ELMO1: variants seen among roughly 807,000 people sequenced by gnomAD.
ELMO1 encodes the protein engulfment and cell motility 1.
In ELMO1, 26 loss-of-function variants were observed where a neutral mutation model predicts 98.9. The ratio of observed to expected loss-of-function variants is 0.26; its 90% CI spans 0.19 to 0.36. The LOEUF is 0.36. ELMO1 is among the 10% of genes least tolerant of loss of function. The probability of loss-of-function intolerance (pLI) is 1.00; values close to 1 mark genes in which losing one functional copy is unlikely to be tolerated. For missense variants in ELMO1, 627 were observed against 935.2 expected (o/e 0.67, Z 4.30); for synonymous variants, 346 against 346.0 (o/e 1.00, Z 0.00).
intron 16 of ELMO1, among the ~76,000 whole-genome samples, chr7:36,972,406 G>C (rs148857339): frequency 6.6e-6 from 1 of 152,202 alleles, no homozygotes; most frequent in East Asian, 1.9e-4. Context: ...CAGTTTGCTA[G>C]GACTGCCATG....
At chr7:37,111,021 G>A (rs141783283) in intron 14 of ELMO1, among the ~76,000 whole-genome samples, 6 of 152,114 alleles carry the variant, frequency 3.9e-5, no homozygotes, top group African/African-American at 1.2e-4. Context: ...CTCCTACCCC[G>A]TTTACCACCA....
chr7:37,249,210 T>TA (rs1389441684), intron 6 of ELMO1, among the ~76,000 whole-genome samples: 1 of 152,190 alleles, frequency 6.6e-6, no homozygotes, highest in Non-Finnish European at 1.5e-5. Context: ...AGAATTTGAA[T>TA]AACGAAAGGT....
At chr7:37,075,818 C>G (rs1453004516) in intron 15 of ELMO1, among the ~76,000 whole-genome samples, 2 of 152,128 alleles carry the variant, frequency 1.3e-5, no homozygotes, top group Non-Finnish European at 2.9e-5. Flanking sequence ...TTCCTTGTAT[C>G]ACTGTGTGCC....
At chr7:37,319,616 G>A (rs898518387) in intron 2 of ELMO1, among the ~76,000 whole-genome samples, 3 of 152,060 alleles carry the variant, frequency 2.0e-5, no homozygotes, top group Admixed American at 6.5e-5. Context: ...ACCCAAAATC[G>A]TACCTTCCAT....
chr7:37,225,534 T>A (rs1051841060), intron 8 of ELMO1, among the ~76,000 whole-genome samples: 1 of 152,222 alleles, frequency 6.6e-6, no homozygotes. Flanking sequence ...ACAATTCAAC[T>A]GGCAACTTCT....
chr7:37,094,230 C>G (rs1420618498), intron 15 of ELMO1, among the ~76,000 whole-genome samples: 1 of 152,158 alleles, frequency 6.6e-6, no homozygotes, highest in Non-Finnish European at 1.5e-5. Flanking sequence ...AGAAACCAGG[C>G]CTGAGTGAGT....
chr7:37,148,879 T>C (rs951386750), intron 13 of ELMO1, among the ~76,000 whole-genome samples: 1 of 152,246 alleles, frequency 6.6e-6, no homozygotes, highest in South Asian at 2.1e-4. Flanking sequence ...ACATGTCATG[T>C]ACAGTAGGCA....
intron 2 of ELMO1, among the ~76,000 whole-genome samples, chr7:37,317,098 C>CA (rs1473500581): frequency 2.0e-5 from 3 of 152,090 alleles, no homozygotes; most frequent in South Asian, 2.1e-4. Context: ...CAAAAGACTT[C>CA]AAAAAAGGAT....
rs542276981 is a variant in ELMO1 at position 36,873,466 on chromosome 7, G to A, written c.1823-2991C>T. 4.6e-5 allele frequency among the ~76,000 whole-genome samples: 7 copies of A among 152,294 alleles called. No homozygotes were observed. The East Asian group carries it at 1.3e-3, about 29-fold the overall frequency. ...CACCCTCCCACCACATTTACCCCCT[G>A]GGGCATGGCCTCATTTCTTTCAATG... On this transcript the variant is annotated intron_variant, in intron 19 of 21. Coordinates refer to ENST00000310758, the MANE Select transcript of ELMO1 (RefSeq NM_014800.11).
chr7:36,888,318 T>C (rs372083914), intron 17 of ELMO1, among the ~76,000 whole-genome samples: 2 of 152,204 alleles, frequency 1.3e-5, no homozygotes, highest in African/African-American at 2.4e-5. Flanking sequence ...TGCAAAGATA[T>C]CATGATAGAG....
rs146409696 is a variant in ELMO1 at position 36,854,952 on chromosome 7, G to A, written c.*599C>T. 11 of 159,756 alleles carry A rather than the reference G, an allele frequency of 6.9e-5. No homozygotes were observed. The highest frequency in any genetic ancestry group is 1.9e-4 in the East Asian group (1 of 5,358). 9.9% of individuals were successfully genotyped at this position (159,756 alleles called of 1,614,324 possible). Reference sequence around the variant, plus strand: ...GGAAATTTATGCTAGGGAGGATCACGAGGAGGCTGCGGCTGCTGCTCTTGG... The same window carrying A: ...GGAAATTTATGCTAGGGAGGATCACAAGGAGGCTGCGGCTGCTGCTCTTGG... On this transcript the variant is annotated 3_prime_UTR_variant, in exon 22 of 22. Transcript: ENST00000310758.
At chr7:37,216,793 G>C (rs1793309804) in intron 10 of ELMO1, 98 bp from the exon 11 acceptor site, 2 of 1,165,482 alleles carry the variant, frequency 1.7e-6, no homozygotes, top group Non-Finnish European at 2.6e-6. Context: ...CTTCGTAACT[G>C]TATATCAGCA....
intron 8 of ELMO1, among the ~76,000 whole-genome samples, chr7:37,226,588 A>C (rs1225706158): frequency 6.6e-6 from 1 of 152,128 alleles, no homozygotes; most frequent in East Asian, 1.9e-4. Context: ...TGGTATTAGG[A>C]AACTGAAGAA....
intron 16 of ELMO1, among the ~76,000 whole-genome samples, chr7:36,973,505 T>A (rs1188557954): frequency 6.6e-6 from 1 of 152,142 alleles, no homozygotes; most frequent in African/African-American, 2.4e-5. Flanking sequence ...TTCCAGTCCA[T>A]CATTAGGATG....
chr7:37,295,589 CTT>C (rs1447543736), intron 4 of ELMO1, among the ~76,000 whole-genome samples: 1 of 152,196 alleles, frequency 6.6e-6, no homozygotes, highest in African/African-American at 2.4e-5. Context: ...CACAATCTTG[CTT>C]TTCCTTTCCC....
At chr7:37,445,743 C>T (rs1198011436) in intron 1 of ELMO1, among the ~76,000 whole-genome samples, 1 of 152,192 alleles carries the variant, frequency 6.6e-6, no homozygotes, top group Admixed American at 6.6e-5. Flanking sequence ...TTTCTCATCT[C>T]CCCTGCATCT....
intron 4 of ELMO1, among the ~76,000 whole-genome samples, chr7:37,280,497 A>G (rs1797076809): frequency 6.6e-6 from 1 of 152,174 alleles, no homozygotes; most frequent in Non-Finnish European, 1.5e-5. Flanking sequence ...AATTCAAACA[A>G]ATCAGTAAGA....
intron 13 of ELMO1, among the ~76,000 whole-genome samples, chr7:37,161,126 A>G (rs2129329100): frequency 6.6e-6 from 1 of 152,310 alleles, no homozygotes; most frequent in Middle Eastern, 3.4e-3. Context: ...GCAGCTGTCG[A>G]CTATGAGCTT....
chr7:36,919,587 T>C (rs925731075), intron 16 of ELMO1, among the ~76,000 whole-genome samples: 4 of 152,158 alleles, frequency 2.6e-5, no homozygotes, highest in Non-Finnish European at 4.4e-5. Context: ...GTACACTCAG[T>C]GCCTAGAACA....
Sources: gnomAD v4.1 joint callset for allele counts (sites outside exome capture counted in the v4.1 genomes callset) on GRCh38, gnomAD v4.1.1 for gene constraint, MANE v1.5 for transcripts, NCBI Gene and HGNC (gene_info 2026-07-23, HGNC 2026-07-21) for gene names.